The following HTR2C variants were observed in gnomAD, a reference collection of about 807,000 sequenced individuals.
HTR2C encodes 5-hydroxytryptamine receptor 2C, also known as 5-hydroxytryptamine (serotonin) receptor 2C, G protein-coupled.
A neutral mutation model predicts 21.0 loss-of-function variants in HTR2C; 5 were observed. The observed-to-expected ratio is 0.24, with a 90% CI of 0.12 to 0.50. The LOEUF (loss-of-function observed/expected upper bound fraction) is 0.50, where lower values mean the gene tolerates loss of function less well. HTR2C is among the 20% of genes least tolerant of loss of function. The pLI is 0.98. For synonymous variants in HTR2C, 150 were observed against 145.3 expected (o/e 1.03, Z -0.23); for missense variants, 271 against 371.2 (o/e 0.73, Z 2.22).
intron 4 of HTR2C, among the ~76,000 whole-genome samples, chrX:114,809,540 C>T: frequency 9.1e-6 from 1 of 109,731 alleles, no homozygotes; most frequent in African/African-American, 3.3e-5. Flanking sequence ...CCCGCCACCA[C>T]GCCTGGCTAA....
intron 2 of HTR2C, among the ~76,000 whole-genome samples, chrX:114,689,459 T>G (rs1556414824): frequency 9.1e-6 from 1 of 110,102 alleles, no homozygotes; most frequent in Non-Finnish European, 1.9e-5. Context: ...GTCGTACTAG[T>G]TTACACTTCC....
intron 4 of HTR2C, among the ~76,000 whole-genome samples, chrX:114,739,390 G>C (rs2069622754): frequency 9.0e-6 from 1 of 111,366 alleles, no homozygotes; most frequent in African/African-American, 3.3e-5. Context: ...AGAAAATCAG[G>C]ATAAAACTAT....
At chrX:114,779,915 GTGTGTGCATA>G (rs2070099796) in intron 4 of HTR2C, among the ~76,000 whole-genome samples, 1 of 111,178 alleles carries the variant, frequency 9.0e-6, no homozygotes, top group African/African-American at 3.3e-5. Context: ...GTGTGTGTGT[GTGTGTGCATA>G]TGTGTATATG....
chrX:114,680,829 G>A (rs1372718233), intron 2 of HTR2C, among the ~76,000 whole-genome samples: 2 of 110,945 alleles, frequency 1.8e-5, no homozygotes, highest in African/African-American at 6.5e-5. Context: ...AATACAAAAA[G>A]GCTTGTGTAG....
At chrX:114,689,001 C>T (rs367734742) in intron 2 of HTR2C, among the ~76,000 whole-genome samples, 2 of 108,257 alleles carry the variant, frequency 1.8e-5, no homozygotes, top group Admixed American at 1.0e-4. Flanking sequence ...CCCTTCCCCT[C>T]GAGTCCCCAG....
chrX:114,737,087 G>C (rs1310952410), intron 4 of HTR2C, among the ~76,000 whole-genome samples: 1 of 107,541 alleles, frequency 9.3e-6, no homozygotes, highest in Non-Finnish European at 1.9e-5. Flanking sequence ...GACCAAAAAA[G>C]AGAACAAAAG....
intron 2 of HTR2C, among the ~76,000 whole-genome samples, chrX:114,633,397 A>G (rs1273064502): frequency 8.9e-6 from 1 of 111,904 alleles, no homozygotes; most frequent in Non-Finnish European, 1.9e-5. Flanking sequence ...CAATTTGTCT[A>G]AAAAATGCTT....
chrX:114,675,468 A>G (rs993190323), intron 2 of HTR2C, among the ~76,000 whole-genome samples: 1 of 112,501 alleles, frequency 8.9e-6, no homozygotes, highest in Non-Finnish European at 1.9e-5. Flanking sequence ...AGGGGATACC[A>G]AAGAAGTTAC....
At chrX:114,822,510 G>T (rs1021166225) in intron 4 of HTR2C, among the ~76,000 whole-genome samples, 2 of 111,946 alleles carry the variant, frequency 1.8e-5, no homozygotes, top group Non-Finnish European at 3.8e-5. Context: ...CCATACAATA[G>T]AAGAAATAGA....
At chrX:114,799,425 T>C (rs1556446205) in intron 4 of HTR2C, among the ~76,000 whole-genome samples, 1 of 109,650 alleles carries the variant, frequency 9.1e-6, no homozygotes, top group Non-Finnish European at 1.9e-5. Flanking sequence ...TACAAAGAGT[T>C]AGCATGAACC....
At chrX:114,793,363 G>A (rs1270130207) in intron 4 of HTR2C, among the ~76,000 whole-genome samples, 2 of 111,334 alleles carry the variant, frequency 1.8e-5, no homozygotes, top group Admixed American at 1.9e-4. Context: ...GGACATTGAC[G>A]TGTTACTGAT....
chrX:114,611,120 A>G (rs2041674), intron 1 of HTR2C, among the ~76,000 whole-genome samples: 3,524 of 111,066 alleles, frequency 0.032, 155 homozygotes, highest in African/African-American at 0.11. Context: ...CCTAAGGGGG[A>G]AAAAAAACGC....
chrX:114,896,171 G>A (rs782691388), intron 5 of HTR2C, among the ~76,000 whole-genome samples: 9 of 111,771 alleles, frequency 8.1e-5, no homozygotes, highest in Non-Finnish European at 1.3e-4. Flanking sequence ...TGTGGGAAAT[G>A]AGTGATCAAT....
chrX:114,703,152 A>G lies in HTR2C; in HGVS notation c.-79-23706A>G, dbSNP rs868918951. Reference sequence around the variant, plus strand: ...CACTGTCAACATTAGACAGATCAACAAGACAGAAAGTTAACAAGGATACCC... The same window carrying G: ...CACTGTCAACATTAGACAGATCAACGAGACAGAAAGTTAACAAGGATACCC... On this transcript the variant is annotated intron_variant, in intron 2 of 5. Coordinates refer to ENST00000276198, the MANE Select transcript of HTR2C (RefSeq NM_000868.4). Among the ~76,000 whole-genome samples the G allele has an allele frequency of 2.0e-4, 21 of 107,423 alleles. No individual in the cohort carries two copies. The Middle Eastern group carries it at 0.024, about 122-fold the overall frequency. 93.3% of individuals were successfully genotyped at this position (107,423 alleles called of 115,157 possible). A position where few individuals can be genotyped will look rare whatever the true frequency, so the allele number is the denominator to read the frequency against.
chrX:114,756,071 T>C (rs1602749621), intron 4 of HTR2C, among the ~76,000 whole-genome samples: 2 of 108,717 alleles, frequency 1.8e-5, no homozygotes, highest in Non-Finnish European at 3.8e-5. Context: ...ATCAAATCAC[T>C]ACACTCCAAC....
At chrX:114,863,828 CATAA>C (rs1290902294) in intron 5 of HTR2C, among the ~76,000 whole-genome samples, 2 of 111,529 alleles carry the variant, frequency 1.8e-5, no homozygotes, top group Non-Finnish European at 3.8e-5. Context: ...ATGTTGGGTG[CATAA>C]ATATTTACAA....
At chrX:114,677,574 C>A (rs1163518788) in intron 2 of HTR2C, among the ~76,000 whole-genome samples, 1 of 111,328 alleles carries the variant, frequency 9.0e-6, no homozygotes, top group African/African-American at 3.3e-5. Flanking sequence ...CATTTTTTGT[C>A]ACCAGTTTCT....
chrX:114,586,059 A>C (rs1927378067), intron 1 of HTR2C, among the ~76,000 whole-genome samples: 1 of 111,843 alleles, frequency 8.9e-6, no homozygotes, highest in Non-Finnish European at 1.9e-5. Context: ...GTTTACGTAC[A>C]TATCAGCCAT....
At chrX:114,900,453 A>G (rs782424139) in intron 5 of HTR2C, 2 of 173,119 alleles carry the variant, frequency 1.2e-5, no homozygotes, top group Non-Finnish European at 2.2e-5. Flanking sequence ...TATGATGTCT[A>G]TCTCATATCA....
Sources: gnomAD v4.1 joint callset for allele counts (sites outside exome capture counted in the v4.1 genomes callset) on GRCh38, gnomAD v4.1.1 for gene constraint, MANE v1.5 for transcripts, NCBI Gene and HGNC (gene_info 2026-07-23, HGNC 2026-07-21) for gene names.